Variants in MAPK14 observed in about 807,000 individuals in gnomAD.
The protein encoded by MAPK14 is mitogen-activated protein kinase 14.
In MAPK14, 16 loss-of-function variants were observed where a neutral mutation model predicts 49.6. That is an observed-to-expected ratio of 0.32 (90% CI 0.22 to 0.49). The LOEUF (loss-of-function observed/expected upper bound fraction) is 0.49. MAPK14 is among the 20% of genes least tolerant of loss of function. The pLI is 0.99. For synonymous variants in MAPK14, 142 were observed against 158.0 expected (o/e 0.90, Z 0.76); for missense variants, 200 against 441.2 (o/e 0.45, Z 4.90).
rs573727387 is a variant in MAPK14, at chr6:36,088,145, TAAATG to T, written c.683-7841_683-7837del. On this transcript the variant is annotated intron_variant, in intron 8 of 11. Coordinates refer to ENST00000229794, the MANE Select transcript of MAPK14 (RefSeq NM_139012.3). ...ATTAACTCAAGATGGATTAAAGACT[TAAATG>T]TAGAACCCAAAACGATAAAAACCCT... Among the ~76,000 whole-genome samples the T allele has an allele frequency of 9.1e-3, 1,381 of 152,270 alleles. 13 individuals carry two copies. Among genetic ancestry groups the T allele is most frequent in the Non-Finnish European group, 0.014 (966 of 68,014 alleles).
chr6:36,115,446 A>G (rs531299423), downstream of MAPK14, among the ~76,000 whole-genome samples: 2 of 152,350 alleles, frequency 1.3e-5, no homozygotes, highest in East Asian at 1.9e-4. Flanking sequence ...AGAAAATATA[A>G]TGATCCAATA....
intron 8 of MAPK14, among the ~76,000 whole-genome samples, chr6:36,079,610 G>A (rs1169378998): frequency 6.6e-6 from 1 of 152,214 alleles, no homozygotes; most frequent in Admixed American, 6.5e-5. Flanking sequence ...GGTTGGAAAA[G>A]CTTGCTCTAG....
At chr6:36,057,240 A>G (rs1398489003) in intron 2 of MAPK14, among the ~76,000 whole-genome samples, 1 of 152,250 alleles carries the variant, frequency 6.6e-6, no homozygotes, top group African/African-American at 2.4e-5. Flanking sequence ...CACAAATGAT[A>G]GATATGCTGT....
chr6:36,075,763 G>A (rs1581795712), intron 6 of MAPK14, 85 bp from the exon 7 acceptor site: 1 of 1,584,688 alleles, frequency 6.3e-7, no homozygotes, highest in African/African-American at 1.3e-5. Flanking sequence ...GGCAACAGAG[G>A]TTTGTTTGTT....
chr6:36,086,681 C>T (rs555970279), intron 8 of MAPK14, among the ~76,000 whole-genome samples: 1 of 152,248 alleles, frequency 6.6e-6, no homozygotes, highest in Non-Finnish European at 1.5e-5. Flanking sequence ...AAGCCCAGGA[C>T]CAGACAGATT....
intron 2 of MAPK14, among the ~76,000 whole-genome samples, chr6:36,058,631 G>C (rs1300571227): frequency 6.6e-6 from 1 of 152,156 alleles, no homozygotes; most frequent in East Asian, 1.9e-4. Context: ...GGCCGTGGTG[G>C]CTCACTGCTG....
At chr6:36,041,762 A>G (rs9380543) in intron 1 of MAPK14, among the ~76,000 whole-genome samples, 16,481 of 152,300 alleles carry the variant, frequency 0.11, 1,683 homozygotes, top group East Asian at 0.51. Flanking sequence ...AGTTTGAAAT[A>G]TATAGGTATA....
At chr6:36,040,311 T>C (rs1194508206) in intron 1 of MAPK14, among the ~76,000 whole-genome samples, 1 of 152,190 alleles carries the variant, frequency 6.6e-6, no homozygotes. Context: ...CACATATCTC[T>C]TGACGGGTAG....
At chr6:36,116,339 CTT>C in the MAPK14 span, among the ~76,000 whole-genome samples, 58 of 142,614 alleles carry the variant, frequency 4.1e-4, no homozygotes, top group Non-Finnish European at 6.0e-4. Flanking sequence ...CAATTAGAAT[CTT>C]TTTTTTTTTT....
chr6:36,103,162 C>T (rs550081302), intron 10 of MAPK14, among the ~76,000 whole-genome samples: 2 of 152,138 alleles, frequency 1.3e-5, no homozygotes, highest in East Asian at 3.9e-4. Context: ...CTTTCTCTGC[C>T]CTCAGAGGCA....
rs1765863383 is a variant in MAPK14, at chr6:36,108,368, C to T, written c.1016-12C>T. On this transcript the variant is annotated splice_polypyrimidine_tract_variant and intron_variant, in intron 11 of 11. Coordinates refer to ENST00000229794, the MANE Select transcript of MAPK14 (RefSeq NM_139012.3). ...AAACTCTCACATCTTACTTTTCCTTCCCAATTTCTAGGCCTGACCTATGAT... is the reference window on the plus strand; with the variant it reads ...AAACTCTCACATCTTACTTTTCCTTTCCAATTTCTAGGCCTGACCTATGAT... 1.2e-6 allele frequency: 2 copies of T among 1,610,130 alleles called. No homozygotes were observed. Among genetic ancestry groups the T allele is most frequent in the East Asian group, 2.2e-5 (1 of 44,858 alleles).
downstream of MAPK14, among the ~76,000 whole-genome samples, chr6:36,113,526 A>G (rs1052465136): frequency 3.3e-5 from 5 of 152,164 alleles, no homozygotes; most frequent in African/African-American, 1.2e-4. Flanking sequence ...TAGATGTGCA[A>G]CATACATTGT....
At chr6:36,033,864 A>C (rs1581725035) in intron 1 of MAPK14, among the ~76,000 whole-genome samples, 1 of 152,326 alleles carries the variant, frequency 6.6e-6, no homozygotes, top group African/African-American at 2.4e-5. Flanking sequence ...TGACATTTTT[A>C]GGGATTTTTG....
chr6:36,061,553 G>GT (rs1201588034), intron 3 of MAPK14, among the ~76,000 whole-genome samples: 1 of 152,188 alleles, frequency 6.6e-6, no homozygotes, highest in Non-Finnish European at 1.5e-5. Flanking sequence ...GCTGGATACT[G>GT]TTTTTTATAA....
At chr6:36,096,105 C>T in intron 9 of MAPK14, 39 bp downstream of exon 9, 7 of 1,420,694 alleles carry the variant, frequency 4.9e-6, no homozygotes, top group Non-Finnish European at 6.9e-6. Flanking sequence ...CTGTTGGGAG[C>T]CTCTGCCACT....
intron 1 of MAPK14, among the ~76,000 whole-genome samples, chr6:36,035,476 A>G (rs1762709819): frequency 6.6e-6 from 1 of 152,314 alleles, no homozygotes. Context: ...AGGCCAATTA[A>G]TAACACTACA....
intron 8 of MAPK14, among the ~76,000 whole-genome samples, 164 bp from the exon 9 acceptor site, chr6:36,095,823 T>A (rs1562148097): frequency 6.6e-6 from 1 of 152,058 alleles, no homozygotes; most frequent in Non-Finnish European, 1.5e-5. Context: ...GAAGTGATCA[T>A]CCTGCAGGAG....
At chr6:36,091,064 C>T (rs1179944663) in intron 8 of MAPK14, among the ~76,000 whole-genome samples, 1 of 152,206 alleles carries the variant, frequency 6.6e-6, no homozygotes, top group African/African-American at 2.4e-5. Flanking sequence ...CACTTCACCC[C>T]TATGTGGATT....
intron 3 of MAPK14, among the ~76,000 whole-genome samples, chr6:36,067,653 A>G (rs1020789054): frequency 4.6e-5 from 7 of 152,324 alleles, no homozygotes; most frequent in Admixed American, 3.3e-4. Flanking sequence ...CTTTGCTTCA[A>G]GTGAGAATAA....
Sources: allele counts gnomAD v4.1 joint callset (sites outside exome capture counted in the v4.1 genomes callset), GRCh38; gene constraint gnomAD v4.1.1; transcripts MANE v1.5; gene names NCBI Gene and HGNC (gene_info 2026-07-23, HGNC 2026-07-21).